The following ZNF816 variants were observed in gnomAD, a reference collection of about 807,000 sequenced individuals.
ZNF816 encodes zinc finger protein 816.
A neutral mutation model predicts 8.3 loss-of-function variants in ZNF816; 11 were observed. The ratio of observed to expected loss-of-function variants is 1.32; its 90% CI spans 0.83 to 2.19. The LOEUF (loss-of-function observed/expected upper bound fraction) is 2.19. Among genes scored for constraint, ZNF816 ranks in the 30% most tolerant of loss-of-function variants. ZNF816 has a pLI of 0.00. For synonymous variants in ZNF816, 255 were observed against 254.5 expected, an observed-to-expected ratio of 1.00 and a Z score of -0.02; for missense variants, 710 against 779.3, an observed-to-expected ratio of 0.91 and a Z score of 1.06.
At chr19:52,953,030 A>G (rs1568437939) in intron 2 of ZNF816, among the ~76,000 whole-genome samples, 153 bp from the exon 3 acceptor site, 1 of 152,192 alleles carries the variant, frequency 6.6e-6, no homozygotes, top group Non-Finnish European at 1.5e-5. Context: ...TTTTCAGTAT[A>G]GTTGCATTTT....
intron 1 of ZNF816, chr19:52,956,310 T>G (rs1210179097): frequency 1.9e-6 from 1 of 519,076 alleles, no homozygotes; most frequent in East Asian, 3.5e-5. Context: ...GCTCCCCTCC[T>G]GGAAAAGTCC....
Position 52,950,252 on chromosome 19 carries a change from G to C in ZNF816, c.1523C>G (p.Pro508Arg). Residue 508 changes from proline (P) to arginine (R), a missense_variant, in exon 4 of 4, where the codon CCT becomes CGT. Coordinates refer to ENST00000444460, the MANE Select transcript of ZNF816 (RefSeq NM_001202457.3). ...RHHRLHAGEK[P>R]YKCEECDKVF... ...TTTGTCACATTCTTCACATTTGTAA[G>C]GTTTCTCTCCAGCATGAAGTCTATG... The C allele has an allele frequency of 1.2e-6, 2 of 1,613,544 alleles. No individual in the cohort carries two copies. Among genetic ancestry groups the C allele is most frequent in the Non-Finnish European group, 1.7e-6 (2 of 1,179,860 alleles).
Position 52,958,496 on chromosome 19 carries a change from C to T in ZNF816, c.-15-2392G>A, listed in dbSNP as rs149267899. Among the ~76,000 whole-genome samples the T allele has an allele frequency of 6.3e-4, 96 of 152,256 alleles. 2 individuals carry two copies. The East Asian group carries it at 0.014, about 23-fold the overall frequency. On this transcript the variant is annotated intron_variant, in intron 1 of 3. Coordinates refer to ENST00000444460, the MANE Select transcript of ZNF816 (RefSeq NM_001202457.3). ...CACCATCTTCAGGGAAGCACTGGCT[C>T]GGGACCTCCAGAAGTTTCCCACCAG...
intron 3 of ZNF816, 183 bp downstream of exon 3, chr19:52,952,568 C>A: frequency 8.6e-7 from 1 of 1,167,788 alleles, no homozygotes; most frequent in Non-Finnish European, 1.2e-6. Context: ...TTATGTAAAA[C>A]CACTCCAAAG....
At chr19:52,952,422 G>C (rs2083467422) in intron 3 of ZNF816, 2 of 427,520 alleles carry the variant, frequency 4.7e-6, no homozygotes, top group Non-Finnish European at 8.2e-6. Context: ...GGAAACACTT[G>C]TCAATCAGTG....
At chr19:52,955,928 G>T in intron 2 of ZNF816, 99 bp downstream of exon 2, 1 of 1,459,088 alleles carries the variant, frequency 6.9e-7, no homozygotes, top group Non-Finnish European at 9.3e-7. Flanking sequence ...GCAAACGTGT[G>T]ATGTAGAATG....
rs764687038 is a variant in ZNF816 at position 52,949,947 on chromosome 19, T to G, written c.1828A>C (p.Lys610Gln). Residue 610 changes from lysine (K) to glutamine (Q), a missense_variant, in exon 4 of 4, where the codon AAA becomes CAA. By Grantham distance (53) the Lys-to-Gln change is moderately conservative. Transcript: ENST00000444460. ...TCTGCAGTATGAACTCTCTGATGTTTTGCAAGGCTTGCTTTTTGATTAAAA... is the reference window on the plus strand; with the variant it reads ...TCTGCAGTATGAACTCTCTGATGTTGTGCAAGGCTTGCTTTTTGATTAAAA... The part of the protein sequence containing the change: ...KVFNQKASLA[K>Q]HQRVHTAEKP... 4 of 1,613,868 alleles carry G rather than the reference T, an allele frequency of 2.5e-6. No homozygotes were observed. In the South Asian group the frequency reaches 3.3e-5, roughly 13 times the overall value.
In ZNF816 at chr19:52,952,155, G is replaced by C. The variant is rs571305524; in HGVS notation, c.191-571C>G. 2.6e-5 allele frequency among the ~76,000 whole-genome samples: 4 copies of C among 152,120 alleles called. No homozygotes were observed. In the East Asian group the frequency reaches 7.7e-4, roughly 29 times the overall value. On this transcript the variant is annotated intron_variant, in intron 3 of 3. Coordinates refer to ENST00000444460, the MANE Select transcript of ZNF816 (RefSeq NM_001202457.3). ...AGGCTGAGGTGGGCAAATTGCTTGA[G>C]GCCAGGAGTTCAAGACCAACTTGGC...
At chr19:52,954,730 G>A (rs1480022869) in intron 2 of ZNF816, among the ~76,000 whole-genome samples, 3 of 144,126 alleles carry the variant, frequency 2.1e-5, no homozygotes, top group African/African-American at 5.2e-5. Context: ...TGGCTGAAGC[G>A]TAAGACTCAT....
chr19:52,960,341 G>T (rs535104703), intron 1 of ZNF816, among the ~76,000 whole-genome samples: 4 of 152,204 alleles, frequency 2.6e-5, no homozygotes, highest in Non-Finnish European at 5.9e-5. Flanking sequence ...TAGGTAGGTG[G>T]AGGCTTATCC....
At chr19:52,953,559 A>C (rs1600721572) in intron 2 of ZNF816, among the ~76,000 whole-genome samples, 1 of 45,022 alleles carries the variant, frequency 2.2e-5, no homozygotes. Context: ...ATTATATATA[A>C]TATGTATTTA....
intron 1 of ZNF816, among the ~76,000 whole-genome samples, chr19:52,961,857 G>C (rs573729034): frequency 3.3e-5 from 5 of 152,204 alleles, no homozygotes; most frequent in African/African-American, 1.2e-4. Flanking sequence ...CAGGAAGCCC[G>C]AGAGTTGGTG....
In ZNF816 at chr19:52,950,742, C is replaced by T. The variant is rs1289451867; in HGVS notation, c.1033G>A (p.Glu345Lys). 1 of 1,613,958 alleles carries T rather than the reference C, an allele frequency of 6.2e-7. No individual in the cohort carries two copies. Among genetic ancestry groups the T allele is most frequent in the African/African-American group, 1.3e-5 (1 of 74,854 alleles). The change falls in exon 4 of 4, where the codon GAG becomes AAG. Residue 345 changes from glutamate to lysine, a missense_variant. Coordinates refer to ENST00000444460, the MANE Select transcript of ZNF816 (RefSeq NM_001202457.3). The stretch of plus-strand genomic sequence containing the variant: ...TTTCGACCAAAAGTCTTGCCACACT[C>T]ATTACACTTGTAAGGTTTCTCTCCA... ...HTGEKPYKCN[E>K]CGKTFGRNSA...
In ZNF816 at chr19:52,952,871, A is replaced by G. The variant is rs777912323; in HGVS notation, c.70T>C (p.Leu24=). ...TCTATAGCCACATCCCTGAAAGTCA[A>G]GCGTCCCTAAAATAAAAAACACGTT... ...EPGMALPQGR[L]TFRDVAIEFS... Residue 24 remains leucine, a synonymous_variant, in exon 3 of 4, where the codon TTG becomes CTG. Transcript: ENST00000444460. 8 of 1,596,598 alleles carry G rather than the reference A, an allele frequency of 5.0e-6. No homozygotes were observed. Among genetic ancestry groups the G allele is most frequent in the Non-Finnish European group, 6.8e-6 (8 of 1,175,196 alleles).
Position 52,950,178 on chromosome 19 carries a change from C to G in ZNF816, c.1597G>C (p.Gly533Arg). 6.2e-7 allele frequency: 1 copy of G among 1,613,928 alleles called. No homozygotes were observed. Among genetic ancestry groups the G allele is most frequent in the African/African-American group, 1.3e-5 (1 of 74,960 alleles). ...ACCTTACATTTGTATGGTTTTTCCC[C>G]AGTATGAATTCTCCTATGTCTTTCA... Reference protein sequence around the residue: ...HLERHRRIHTGEKPYKCKVCD... With the variant: ...HLERHRRIHTREKPYKCKVCD... Residue 533 changes from glycine to arginine, a missense_variant, in exon 4 of 4, where the codon GGG becomes CGG. Gly to Arg is a moderately radical substitution (Grantham distance 125). Coordinates refer to ENST00000444460, the MANE Select transcript of ZNF816 (RefSeq NM_001202457.3).
intron 2 of ZNF816, among the ~76,000 whole-genome samples, chr19:52,954,306 G>A (rs1010317550): frequency 6.6e-6 from 1 of 152,076 alleles, no homozygotes; most frequent in Non-Finnish European, 1.5e-5. Context: ...GTTGCAGTGA[G>A]CCGATATCGT....
chr19:52,952,866 A>G lies in ZNF816; in HGVS notation c.75T>C (p.Thr25=). 6.3e-7 allele frequency: 1 copy of G among 1,599,946 alleles called. No homozygotes were observed. The change falls in exon 3 of 4, where the codon ACT becomes ACC. Residue 25 remains threonine (T), a synonymous_variant. Coordinates refer to ENST00000444460, the MANE Select transcript of ZNF816 (RefSeq NM_001202457.3). ...PGMALPQGRL[T]FRDVAIEFSL... ...AGAACTCTATAGCCACATCCCTGAA[A>G]GTCAAGCGTCCCTAAAATAAAAAAC...
In ZNF816 at chr19:52,951,451, T is replaced by C; in HGVS notation, c.324A>G (p.Lys108=). 6.2e-7 allele frequency: 1 copy of C among 1,614,078 alleles called. No homozygotes were observed. Among genetic ancestry groups the C allele is most frequent in the Non-Finnish European group, 8.5e-7 (1 of 1,179,930 alleles). ...ACTGAAACTCAAAGTGATGAATATCTTTCTTCATTTCTGGGAAGCAAAAAT... is the reference window on the plus strand; with the variant it reads ...ACTGAAACTCAAAGTGATGAATATCCTTCTTCATTTCTGGGAAGCAAAAAT... The part of the protein sequence containing the change: ...IGDFCFPEMK[K]DIHHFEFQWQ... The change falls in exon 4 of 4, where the codon AAA becomes AAG. Residue 108 remains lysine, a synonymous_variant. Transcript: ENST00000444460.
At chr19:52,959,970 C>G (rs2058129587) in intron 1 of ZNF816, 1 of 153,140 alleles carries the variant, frequency 6.5e-6, no homozygotes, top group Middle Eastern at 3.4e-3. Flanking sequence ...TTTCTCCAGG[C>G]AGAGGGAAGA....
Sources: allele counts gnomAD v4.1 joint callset (sites outside exome capture counted in the v4.1 genomes callset), GRCh38; gene constraint gnomAD v4.1.1; transcripts MANE v1.5; gene names NCBI Gene and HGNC (gene_info 2026-07-23, HGNC 2026-07-21).